The following RPAP1 variants were observed in gnomAD, a reference collection of about 807,000 sequenced individuals.
The protein encoded by RPAP1 is RNA polymerase II-associated protein 1.
RPAP1 carries 109 observed loss-of-function variants against 142.4 expected under a neutral mutation model. That is an observed-to-expected ratio of 0.77 (90% confidence interval 0.66 to 0.90). The LOEUF (loss-of-function observed/expected upper bound fraction) is 0.90. Ranked by LOEUF, RPAP1 falls within the 40% of genes least tolerant of loss-of-function variation. RPAP1 has a pLI of 0.00. For synonymous variants in RPAP1, 704 were observed against 738.9 expected, an observed-to-expected ratio of 0.95 and a Z score of 0.77; for missense variants, 1,546 against 1,751.7, an observed-to-expected ratio of 0.88 and a Z score of 2.10.
chr15:41,542,444 C>G (rs2051979731), intron 1 of RPAP1, among the ~76,000 whole-genome samples: 1 of 152,066 alleles, frequency 6.6e-6, no homozygotes, highest in Non-Finnish European at 1.5e-5. Flanking sequence ...AAAGAGAAAA[C>G]TTAGATAAGT....
Position 41,529,457 on chromosome 15 carries a change from T to G in RPAP1, c.1158+13A>C. On this transcript the variant is annotated intron_variant, in intron 9 of 24. Coordinates refer to ENST00000304330, the MANE Select transcript of RPAP1 (RefSeq NM_015540.4). ...AAAAGAGCTGCCCCATCCTCTCCAG[T>G]CCCATGCCTCACCTCTGCCTCCTCT... is the stretch of plus-strand genomic sequence containing the variant. 5.7e-6 allele frequency: 9 copies of G among 1,587,432 alleles called. No homozygotes were observed. Among genetic ancestry groups the G allele is most frequent in the Non-Finnish European group, 7.8e-6 (9 of 1,158,102 alleles).
In RPAP1 at chr15:41,527,046, A is replaced by G. The variant is rs2051799307; in HGVS notation, c.1769T>C (p.Ile590Thr). 7 of 1,614,232 alleles carry G rather than the reference A, an allele frequency of 4.3e-6. No homozygotes were observed. The highest frequency in any genetic ancestry group is 5.1e-6 in the Non-Finnish European group (6 of 1,180,032). Residue 590 changes from isoleucine to threonine, a missense_variant, in exon 14 of 25, where the codon ATA (isoleucine) becomes ACA (threonine). Physicochemically the swap from Ile to Thr is moderately conservative, Grantham distance 89. Transcript: ENST00000304330. ...CAAGAACTCTCGAACTATAGTCTCT[A>G]TCAGCCGAGGGCACTCCAGGACCTA... is the stretch of plus-strand genomic sequence containing the variant. ...ATRVLECPRL[I>T]ETIVREFLPT...
At chr15:41,524,066 C>T in intron 16 of RPAP1, 30 bp downstream of exon 16, 2 of 1,596,054 alleles carry the variant, frequency 1.3e-6, no homozygotes, top group East Asian at 2.2e-5. Flanking sequence ...GAGCCCTCCA[C>T]CTGTCCTGTG....
intron 6 of RPAP1, among the ~76,000 whole-genome samples, chr15:41,533,042 C>T (rs2051870877): frequency 1.1e-5 from 1 of 89,482 alleles, no homozygotes; most frequent in African/African-American, 5.0e-5. Flanking sequence ...GGTTTAAATC[C>T]TGTGTCCTGT....
intron 12 of RPAP1, 22 bp downstream of exon 12, chr15:41,527,401 G>C: frequency 6.2e-7 from 1 of 1,613,702 alleles, no homozygotes; most frequent in South Asian, 1.1e-5. Context: ...GCCATGGGAT[G>C]GGAAAGAAGC....
intron 22 of RPAP1, chr15:41,519,851 T>C (rs924378531): frequency 6.4e-6 from 1 of 157,222 alleles, no homozygotes; most frequent in African/African-American, 2.4e-5. Context: ...TCTTCTTATC[T>C]AGATTGTAGC....
chr15:41,530,925 C>CT, intron 7 of RPAP1, 98 bp downstream of exon 7: 1 of 1,218,626 alleles, frequency 8.2e-7, no homozygotes, highest in South Asian at 1.5e-5. Context: ...TGTCCAAAAG[C>CT]ACAGAAGCTT....
intron 21 of RPAP1, 146 bp downstream of exon 21, chr15:41,521,592 T>G: frequency 1.2e-6 from 1 of 854,190 alleles, no homozygotes; most frequent in Non-Finnish European, 1.8e-6. Flanking sequence ...ACTTCACTAA[T>G]GAGGTAATGG....
intron 7 of RPAP1, 45 bp from the exon 8 acceptor site, chr15:41,530,024 A>T (rs1233966852): frequency 6.7e-7 from 1 of 1,502,648 alleles, no homozygotes. Context: ...GGCTCAGCTC[A>T]CTATCCACAG....
At position 41,517,468 on chromosome 15, in the gene RPAP1, T is replaced by C; in HGVS notation, c.*74A>G. ...TGCCTACCATTAGGACACAATGTTCTTCGTCTGGCCAGACATCTGTTGAAA... is the reference window on the plus strand; with the variant it reads ...TGCCTACCATTAGGACACAATGTTCCTCGTCTGGCCAGACATCTGTTGAAA... On this transcript the variant is annotated 3_prime_UTR_variant, in exon 25 of 25. Coordinates refer to ENST00000304330, the MANE Select transcript of RPAP1 (RefSeq NM_015540.4). 7.3e-7 allele frequency: 1 copy of C among 1,362,348 alleles called. No homozygotes were observed. Among genetic ancestry groups the C allele is most frequent in the Non-Finnish European group, 1.0e-6 (1 of 1,002,126 alleles). The allele number at this position is 1,362,348 out of a possible 1,614,324, so 84.4% of individuals were successfully genotyped here. A position where few individuals can be genotyped will look rare whatever the true frequency, so the allele number is the denominator to read the frequency against.
intron 2 of RPAP1, 91 bp downstream of exon 2, chr15:41,536,854 T>C (rs2051914790): frequency 1.4e-6 from 2 of 1,473,020 alleles, no homozygotes. Flanking sequence ...GAAATAATAA[T>C]GATGTGTCTG....
In RPAP1 at chr15:41,517,320, C is replaced by G; in HGVS notation, c.*222G>C. On this transcript the variant is annotated 3_prime_UTR_variant, in exon 25 of 25. Coordinates refer to ENST00000304330, the MANE Select transcript of RPAP1 (RefSeq NM_015540.4). ...AGAGCGGGTAAATAGCTAAGCCACT[C>G]TTCACTCCCAGTACAGACCTTCAGA... 2.3e-6 allele frequency: 1 copy of G among 432,474 alleles called. No individual in the cohort carries two copies. The highest frequency in any genetic ancestry group is 4.1e-6 in the Non-Finnish European group (1 of 246,162). 26.8% of individuals were successfully genotyped at this position (432,474 alleles called of 1,614,324 possible).
At chr15:41,542,149 C>T (rs1168244140) in intron 1 of RPAP1, among the ~76,000 whole-genome samples, 2 of 152,122 alleles carry the variant, frequency 1.3e-5, no homozygotes, top group African/African-American at 2.4e-5. Context: ...GAGACCATGC[C>T]GAAATGCTGG....
chr15:41,521,544 T>C (rs2140759057), intron 21 of RPAP1, among the ~76,000 whole-genome samples, 194 bp downstream of exon 21: 1 of 152,322 alleles, frequency 6.6e-6, no homozygotes, highest in Middle Eastern at 3.4e-3. Flanking sequence ...CACACTGAAG[T>C]CTCACAATCA....
chr15:41,522,349 C>A, intron 19 of RPAP1, 99 bp from the exon 20 acceptor site: 2 of 1,178,246 alleles, frequency 1.7e-6, no homozygotes, highest in Non-Finnish European at 2.4e-6. Context: ...GAAATGAGTG[C>A]CAGCAGAAGG....
intron 6 of RPAP1, among the ~76,000 whole-genome samples, chr15:41,533,010 C>CATATGAGACCAGGTAGAACT (rs1566888622): frequency 7.2e-6 from 1 of 138,730 alleles, no homozygotes; most frequent in African/African-American, 2.7e-5. Flanking sequence ...AAAAGCAGGG[C>CATATGAGACCAGGTAGAACT]ATATGAGACC....
chr15:41,533,633 A>G (rs539878950), intron 6 of RPAP1, among the ~76,000 whole-genome samples: 1 of 152,216 alleles, frequency 6.6e-6, no homozygotes, highest in East Asian at 1.9e-4. Context: ...GTTCGAAACC[A>G]GCCTGGCCAA....
At chr15:41,522,649 C>T (rs1172258927) in intron 19 of RPAP1, 116 bp downstream of exon 19, 1 of 984,540 alleles carries the variant, frequency 1.0e-6, no homozygotes, top group African/African-American at 1.7e-5. Context: ...CTCGGCCTCC[C>T]AAACTGCTGG....
At chr15:41,542,281 AC>A (rs1294115275) in intron 1 of RPAP1, among the ~76,000 whole-genome samples, 1 of 152,208 alleles carries the variant, frequency 6.6e-6, no homozygotes, top group Non-Finnish European at 1.5e-5. Context: ...TCAATGATGT[AC>A]CCAAAGTTGG....
Sources: allele counts gnomAD v4.1 joint callset (sites outside exome capture counted in the v4.1 genomes callset), GRCh38; gene constraint gnomAD v4.1.1; transcripts MANE v1.5; gene names NCBI Gene and HGNC (gene_info 2026-07-23, HGNC 2026-07-21).